NIPA2: variants seen among roughly 807,000 people sequenced by gnomAD.
NIPA2 encodes the protein NIPA magnesium transporter 2.
In NIPA2, 11 loss-of-function variants were observed where a neutral mutation model predicts 29.7. That is an observed-to-expected ratio of 0.37 (90% CI 0.23 to 0.61). The LOEUF is 0.61. Among genes scored for constraint, NIPA2 ranks in the 20% least tolerant of loss-of-function variants. The pLI is 0.66. For synonymous variants in NIPA2, 183 were observed against 161.9 expected, an observed-to-expected ratio of 1.13 and a Z score of -0.99; for missense variants, 426 against 437.9, an observed-to-expected ratio of 0.97 and a Z score of 0.24.
chr15:22,866,514 AAT>A lies in NIPA2; in HGVS notation c.755_756del (p.Tyr252LeufsTer17). ...TATTCAACACTTCCATTGTGACTCC[AAT>A]ATATTATGTATTCTTTACAACATCA... ...DIFNTSIVTP[I>X]YYVFFTTSVL... On this transcript the variant is annotated frameshift_variant, in exon 8 of 8. Coordinates refer to ENST00000337451, the MANE Select transcript of NIPA2 (RefSeq NM_030922.7). LOFTEE classifies it high-confidence loss of function. 1 of 1,613,820 alleles carries A rather than the reference AAT, an allele frequency of 6.2e-7. No homozygotes were observed.
At chr15:22,862,780 C>T in intron 7 of NIPA2, among the ~76,000 whole-genome samples, 1 of 151,922 alleles carries the variant, frequency 6.6e-6, no homozygotes, top group South Asian at 2.1e-4. Context: ...TTTTTTCTTC[C>T]TTCAGAGAGA....
At chr15:22,864,375 C>T (rs1038442664) in intron 7 of NIPA2, among the ~76,000 whole-genome samples, 3 of 152,122 alleles carry the variant, frequency 2.0e-5, no homozygotes, top group African/African-American at 4.8e-5. Context: ...AGGATGGTCT[C>T]GATCTTCTGA....
At chr15:22,855,128 C>T (rs1454413609) in intron 5 of NIPA2, among the ~76,000 whole-genome samples, 1 of 151,400 alleles carries the variant, frequency 6.6e-6, no homozygotes, top group African/African-American at 2.4e-5. Flanking sequence ...AAAAATTATT[C>T]TGGGCCGGGC....
chr15:22,851,339 C>A (rs1489800486), intron 3 of NIPA2, among the ~76,000 whole-genome samples: 2 of 151,980 alleles, frequency 1.3e-5, no homozygotes, highest in Non-Finnish European at 2.9e-5. Context: ...CTAATTTTTT[C>A]TGCAGAATTT....
intron 7 of NIPA2, among the ~76,000 whole-genome samples, chr15:22,862,898 C>CTT (rs59317671): frequency 0.14 from 15,228 of 110,148 alleles, 1,497 homozygotes; most frequent in East Asian, 0.25. Context: ...TGCCTTTATT[C>CTT]TTTTTTTTTT....
intron 3 of NIPA2, among the ~76,000 whole-genome samples, chr15:22,845,862 CAT>C (rs1898482642): frequency 6.6e-6 from 1 of 151,760 alleles, no homozygotes; most frequent in Admixed American, 6.6e-5. Flanking sequence ...TCCCATAACA[CAT>C]AAATTAAAAT....
At chr15:22,843,156 G>T (rs185268206) in intron 2 of NIPA2, among the ~76,000 whole-genome samples, 2 of 152,174 alleles carry the variant, frequency 1.3e-5, no homozygotes, top group African/African-American at 2.4e-5. Context: ...AGATGAGGAG[G>T]CCTGGATTAT....
rs201403752 is a variant in NIPA2 at position 22,853,216 on chromosome 15, A to G, written c.144A>G (p.Gln48=). ...GAAATATTTCTTCATTCACAGGTCA[A>G]GGTGGCCATGCATATCTTAAGGAAT... The part of the protein sequence containing the change: ...LARKGSMRAG[Q]GGHAYLKEWL... The change falls in exon 5 of 8, where the codon CAA becomes CAG. Residue 48 remains glutamine, a synonymous_variant. Transcript: ENST00000337451. The G allele has an allele frequency of 4.4e-6, 7 of 1,606,378 alleles. No homozygotes were observed. Among genetic ancestry groups the G allele is most frequent in the East Asian group, 2.2e-5 (1 of 44,836 alleles).
chr15:22,840,069 C>CGG (rs1244930997), intron 2 of NIPA2, among the ~76,000 whole-genome samples: 1 of 151,938 alleles, frequency 6.6e-6, no homozygotes, highest in Admixed American at 6.6e-5. Flanking sequence ...CACAGACGTG[C>CGG]GGCACCATGC....
chr15:22,853,707 G>A (rs1025257623), intron 5 of NIPA2, among the ~76,000 whole-genome samples: 3 of 151,568 alleles, frequency 2.0e-5, no homozygotes, highest in African/African-American at 7.3e-5. Flanking sequence ...TACTTAGTAG[G>A]TACTTATAGG....
chr15:22,843,504 T>TAA (rs201160111), intron 2 of NIPA2, among the ~76,000 whole-genome samples: 1 of 138,712 alleles, frequency 7.2e-6, no homozygotes. Context: ...AGACTCCATC[T>TAA]AAAAAAAAAA....
chr15:22,868,294 T>C lies in NIPA2; in HGVS notation c.*1447T>C, dbSNP rs944359880. ...TATATACTGTACCTACATCTGTGCT[T>C]TGTACATAAAAGAACCAGTTTTCTC... is the stretch of plus-strand genomic sequence containing the variant. On this transcript the variant is annotated 3_prime_UTR_variant, in exon 8 of 8. Coordinates refer to ENST00000337451, the MANE Select transcript of NIPA2 (RefSeq NM_030922.7). The C allele has an allele frequency of 6.6e-6, 1 of 152,232 alleles. No homozygotes were observed. Among genetic ancestry groups the C allele is most frequent in the Non-Finnish European group, 1.5e-5 (1 of 68,040 alleles). 9.4% of individuals were successfully genotyped at this position (152,232 alleles called of 1,614,324 possible). A position where few individuals can be genotyped will look rare whatever the true frequency, so the allele number is the denominator to read the frequency against.
chr15:22,867,693 C>G lies in NIPA2; in HGVS notation c.*846C>G, dbSNP rs1019655504. On this transcript the variant is annotated 3_prime_UTR_variant, in exon 8 of 8. Coordinates refer to ENST00000337451, the MANE Select transcript of NIPA2 (RefSeq NM_030922.7). ...GACTAGGGTTGTTTCTTAAATTTAG[C>G]TCATGTTATAATAAAAAGTTGAAAT... 2.6e-5 allele frequency: 4 copies of G among 152,404 alleles called. No homozygotes were observed. Among genetic ancestry groups the G allele is most frequent in the African/African-American group, 9.7e-5 (4 of 41,388 alleles). 9.4% of individuals were successfully genotyped at this position (152,404 alleles called of 1,614,324 possible).
chr15:22,864,390 A>G (rs1307434285), intron 7 of NIPA2, among the ~76,000 whole-genome samples: 3 of 152,092 alleles, frequency 2.0e-5, no homozygotes, highest in Non-Finnish European at 2.9e-5. Context: ...TTCTGACCTC[A>G]TGATCCGCCC....
At chr15:22,854,742 G>T (rs879833167) in intron 5 of NIPA2, among the ~76,000 whole-genome samples, 2 of 151,992 alleles carry the variant, frequency 1.3e-5, no homozygotes, top group African/African-American at 2.4e-5. Flanking sequence ...GTGAGACTCA[G>T]TCTCAAAAAA....
At chr15:22,850,952 C>G (rs149940687) in intron 3 of NIPA2, among the ~76,000 whole-genome samples, 3 of 152,296 alleles carry the variant, frequency 2.0e-5, no homozygotes, top group African/African-American at 7.2e-5. Context: ...CATCTGTCAA[C>G]TGAGTTTATG....
chr15:22,858,761 C>T (rs752150143), intron 6 of NIPA2, 131 bp downstream of exon 6: 52 of 496,160 alleles, frequency 1.0e-4, no homozygotes, highest in Non-Finnish European at 1.3e-4. Context: ...TTTTACACTA[C>T]GTAGTAATTG....
intron 3 of NIPA2, among the ~76,000 whole-genome samples, chr15:22,849,571 T>TC (rs1231000222): frequency 6.6e-6 from 1 of 151,812 alleles, no homozygotes; most frequent in East Asian, 1.9e-4. Context: ...GTATTTTTTT[T>TC]TTTTTTGAGA....
rs554492094 is a variant in NIPA2 at position 22,841,172 on chromosome 15, A to G, written c.-216+1382A>G. On this transcript the variant is annotated intron_variant, in intron 2 of 7. Coordinates refer to ENST00000337451, the MANE Select transcript of NIPA2 (RefSeq NM_030922.7). Reference sequence around the variant, plus strand: ...CTGCTTTTGTCATAAAAAAGTAACTACATGAGATGATAGATATGTTGATTT... The same window carrying G: ...CTGCTTTTGTCATAAAAAAGTAACTGCATGAGATGATAGATATGTTGATTT... 1.9e-4 allele frequency among the ~76,000 whole-genome samples: 29 copies of G among 152,268 alleles called. No homozygotes were observed. The South Asian group carries it at 5.0e-3, about 26-fold the overall frequency.
Sources: gnomAD v4.1 joint callset for allele counts (sites outside exome capture counted in the v4.1 genomes callset) on GRCh38, gnomAD v4.1.1 for gene constraint, MANE v1.5 for transcripts, NCBI Gene and HGNC (gene_info 2026-07-23, HGNC 2026-07-21) for gene names.